The following DLG2 variants were observed in gnomAD, a reference collection of about 807,000 sequenced individuals.
The protein encoded by DLG2 is disks large homolog 2.
DLG2 carries 45 observed loss-of-function variants against 132.5 expected under a neutral mutation model. The ratio of observed to expected loss-of-function variants is 0.34; its 90% CI spans 0.27 to 0.44. The LOEUF is 0.44. Ranked by LOEUF, DLG2 falls within the 20% of genes least tolerant of loss-of-function variation. The pLI, the probability that DLG2 is intolerant of heterozygous loss-of-function variation, is 1.00. For missense variants in DLG2, 1,045 were observed against 1,196.9 expected, an observed-to-expected ratio of 0.87 and a Z score of 1.87; for synonymous variants, 424 against 419.6, an observed-to-expected ratio of 1.01 and a Z score of -0.13.
rs547251184 is a variant in DLG2 at position 85,563,287 on chromosome 11, T to C, written c.40+35370A>G. ...TTTGATGCATTTTGACAAATGTCTA[T>C]AGTCATGTAACCAACACAACAATCA... On this transcript the variant is annotated intron_variant, in intron 3 of 27. Coordinates refer to ENST00000376104, the MANE Select transcript of DLG2 (RefSeq NM_001142699.3). Among the ~76,000 whole-genome samples the C allele has an allele frequency of 5.3e-5, 8 of 151,974 alleles. No individual in the cohort carries two copies. The East Asian group carries it at 1.5e-3, about 29-fold the overall frequency.
intron 26 of DLG2, among the ~76,000 whole-genome samples, chr11:83,465,672 T>C (rs2136215574): frequency 6.6e-6 from 1 of 152,360 alleles, no homozygotes; most frequent in Non-Finnish European, 1.5e-5. Flanking sequence ...GTATTATTTA[T>C]TGAGTACTTA....
At chr11:85,349,493 T>C (rs1385555504) in intron 3 of DLG2, among the ~76,000 whole-genome samples, 1 of 152,124 alleles carries the variant, frequency 6.6e-6, no homozygotes. Context: ...ACATGTGCCA[T>C]GTTGGTTTGC....
intron 11 of DLG2, among the ~76,000 whole-genome samples, chr11:84,001,672 A>G (rs570423217): frequency 6.6e-6 from 1 of 152,294 alleles, no homozygotes; most frequent in East Asian, 1.9e-4. Flanking sequence ...AACATTATCC[A>G]GGATAGTAGA....
In DLG2 at chr11:85,132,136, C is replaced by CT. The variant is rs1432877616; in HGVS notation, c.283-20402dup. ...TAAAACAAATCCATAAAACGATTGC[C>CT]TATTGATTTTATTTCATTCCCACTT... On this transcript the variant is annotated intron_variant, in intron 5 of 27. Coordinates refer to ENST00000376104, the MANE Select transcript of DLG2 (RefSeq NM_001142699.3). Among the ~76,000 whole-genome samples the CT allele has an allele frequency of 2.0e-5, 3 of 152,154 alleles. No individual in the cohort carries two copies. In the East Asian group the frequency reaches 5.8e-4, roughly 29 times the overall value.
chr11:85,246,369 G>T (rs1214759415), intron 4 of DLG2, among the ~76,000 whole-genome samples: 1 of 151,792 alleles, frequency 6.6e-6, no homozygotes, highest in Non-Finnish European at 1.5e-5. Context: ...GGTCAGTAAG[G>T]TCATTCATTT....
chr11:85,245,976 T>A (rs992837458), intron 4 of DLG2, among the ~76,000 whole-genome samples: 4 of 151,974 alleles, frequency 2.6e-5, no homozygotes, highest in Admixed American at 2.6e-4. Flanking sequence ...TCTCTGTGAT[T>A]CTTATTCTAT....
At chr11:85,116,054 G>A (rs1450351662) in intron 5 of DLG2, among the ~76,000 whole-genome samples, 1 of 151,920 alleles carries the variant, frequency 6.6e-6, no homozygotes, top group East Asian at 1.9e-4. Context: ...AGACTCTAAG[G>A]TATTTGACAG....
intron 6 of DLG2, among the ~76,000 whole-genome samples, chr11:84,828,729 T>C (rs929727983): frequency 6.6e-6 from 1 of 151,756 alleles, no homozygotes; most frequent in Admixed American, 6.6e-5. Flanking sequence ...TTGGTTTGAA[T>C]TGAAAATACA....
At chr11:84,443,923 T>C (rs1008426611) in intron 7 of DLG2, among the ~76,000 whole-genome samples, 12 of 152,008 alleles carry the variant, frequency 7.9e-5, no homozygotes. Flanking sequence ...ATTTTTATCA[T>C]TTTTTTCTCT....
chr11:85,199,592 T>TTA (rs2081302021), intron 4 of DLG2, among the ~76,000 whole-genome samples: 2 of 152,344 alleles, frequency 1.3e-5, no homozygotes, highest in South Asian at 4.1e-4. Flanking sequence ...TCTTCCTCTA[T>TTA]TATAATAGAT....
At chr11:84,344,145 AC>A (rs1388360776) in intron 7 of DLG2, among the ~76,000 whole-genome samples, 2 of 152,220 alleles carry the variant, frequency 1.3e-5, no homozygotes, top group African/African-American at 4.8e-5. Context: ...GGAAACAAAT[AC>A]CAACACAGAG....
intron 21 of DLG2, among the ~76,000 whole-genome samples, chr11:83,498,753 AAC>A (rs2094290733): frequency 6.8e-6 from 1 of 146,828 alleles, no homozygotes; most frequent in African/African-American, 2.5e-5. Flanking sequence ...AAATTAACAA[AAC>A]AAAGTGGGGA....
intron 6 of DLG2, among the ~76,000 whole-genome samples, chr11:85,055,188 A>G (rs2063326622): frequency 6.6e-6 from 1 of 152,190 alleles, no homozygotes; most frequent in South Asian, 2.1e-4. Flanking sequence ...TTTCTGCATT[A>G]TAACTTTTCT....
chr11:83,855,777 T>A (rs1414330008), intron 16 of DLG2, among the ~76,000 whole-genome samples: 1 of 151,786 alleles, frequency 6.6e-6, no homozygotes, highest in Non-Finnish European at 1.5e-5. Context: ...GAGGTGGAGG[T>A]TGCAGTGAGC....
intron 7 of DLG2, among the ~76,000 whole-genome samples, chr11:84,434,118 C>CAAAAAAAA (rs201807752): frequency 1.2e-5 from 1 of 86,954 alleles, no homozygotes; most frequent in Non-Finnish European, 2.8e-5. Flanking sequence ...GACTCCATCT[C>CAAAAAAAA]AAAAAAAAAA....
At chr11:83,739,672 C>G (rs1003493637) in intron 18 of DLG2, among the ~76,000 whole-genome samples, 10 of 152,116 alleles carry the variant, frequency 6.6e-5, no homozygotes, top group African/African-American at 2.4e-4. Context: ...ATAAAGTAAG[C>G]TTATTTTCCC....
At chr11:84,317,012 C>T (rs769626602) in intron 7 of DLG2, 2 of 1,612,814 alleles carry the variant, frequency 1.2e-6, no homozygotes. Context: ...AGAACTGTAC[C>T]CGAGCCCCTG....
intron 6 of DLG2, among the ~76,000 whole-genome samples, chr11:85,035,749 A>G (rs887720247): frequency 6.6e-6 from 1 of 152,182 alleles, no homozygotes; most frequent in African/African-American, 2.4e-5. Context: ...AAATCCCAAA[A>G]TGATCACCAT....
intron 26 of DLG2, among the ~76,000 whole-genome samples, chr11:83,463,718 G>A (rs555990200): frequency 2.8e-4 from 42 of 152,322 alleles, no homozygotes; most frequent in South Asian, 1.2e-3. Flanking sequence ...TTGAGCCCAC[G>A]AGGTCATGAC....
Sources: allele counts gnomAD v4.1 joint callset (sites outside exome capture counted in the v4.1 genomes callset), GRCh38; gene constraint gnomAD v4.1.1; transcripts MANE v1.5; gene names NCBI Gene and HGNC (gene_info 2026-07-23, HGNC 2026-07-21).